PTPRA: variants seen among roughly 807,000 people sequenced by gnomAD.
PTPRA encodes receptor-type tyrosine-protein phosphatase alpha.
A neutral mutation model predicts 104.8 loss-of-function variants in PTPRA; 25 were observed. The ratio of observed to expected loss-of-function variants is 0.24; its 90% CI spans 0.17 to 0.33. The LOEUF (loss-of-function observed/expected upper bound fraction) is 0.33. PTPRA is among the 10% of genes least tolerant of loss of function. The probability of loss-of-function intolerance (pLI) is 1.00; values close to 1 mark genes in which losing one functional copy is unlikely to be tolerated. For synonymous variants in PTPRA, 323 were observed against 368.9 expected (o/e 0.88, Z 1.43); for missense variants, 765 against 1,015.3 (o/e 0.75, Z 3.35).
intron 1 of PTPRA, among the ~76,000 whole-genome samples, chr20:2,886,101 A>AT (rs1221161769): frequency 6.6e-6 from 1 of 152,196 alleles, no homozygotes; most frequent in East Asian, 1.9e-4. Context: ...TTAATTGAAC[A>AT]TAAGTATAGA....
intron 9 of PTPRA, among the ~76,000 whole-genome samples, chr20:2,993,430 TAA>T (rs2063271634): frequency 6.6e-6 from 1 of 152,204 alleles, no homozygotes; most frequent in African/African-American, 2.4e-5. Flanking sequence ...GTTGTCAAGG[TAA>T]TGTCCTGTGA....
intron 6 of PTPRA, among the ~76,000 whole-genome samples, chr20:2,982,711 T>G (rs2062736252): frequency 6.6e-6 from 1 of 152,106 alleles, no homozygotes; most frequent in Non-Finnish European, 1.5e-5. Flanking sequence ...TTTTTTTTTT[T>G]TTTGAGACAG....
intron 2 of PTPRA, among the ~76,000 whole-genome samples, chr20:2,946,357 T>A (rs73086646): frequency 0.13 from 19,613 of 152,032 alleles, 1,588 homozygotes; most frequent in East Asian, 0.29. Context: ...CAGGTGTAGC[T>A]CTGTAGTTTT....
At chr20:2,985,884 C>CT (rs1282802077) in intron 6 of PTPRA, among the ~76,000 whole-genome samples, 42 of 148,758 alleles carry the variant, frequency 2.8e-4, no homozygotes, top group African/African-American at 9.7e-4. Context: ...CAGCTGTCTC[C>CT]TTGTTTGTTT....
At chr20:2,967,596 A>C (rs2061992397) in intron 5 of PTPRA, among the ~76,000 whole-genome samples, 1 of 152,150 alleles carries the variant, frequency 6.6e-6, no homozygotes, top group Admixed American at 6.5e-5. Flanking sequence ...CACACTGGCT[A>C]ACACCTGTAA....
chr20:2,916,109 G>C (rs569430250), intron 1 of PTPRA, among the ~76,000 whole-genome samples: 1 of 152,064 alleles, frequency 6.6e-6, no homozygotes, highest in Non-Finnish European at 1.5e-5. Context: ...GAGCAGTCTT[G>C]GCTCACTGCA....
intron 2 of PTPRA, among the ~76,000 whole-genome samples, chr20:2,933,998 A>T (rs1359658738): frequency 6.6e-6 from 1 of 152,118 alleles, no homozygotes; most frequent in Non-Finnish European, 1.5e-5. Flanking sequence ...CCATTGTATT[A>T]TTGTTATTTA....
chr20:2,951,074 G>GTGTT (rs371625670), intron 3 of PTPRA, among the ~76,000 whole-genome samples: 24 of 152,040 alleles, frequency 1.6e-4, no homozygotes, highest in Non-Finnish European at 2.5e-4. Context: ...TATTAACCAT[G>GTGTT]TGTTTGTTTG....
In PTPRA at chr20:2,923,243, A is replaced by G. The variant is rs113502781; in HGVS notation, c.-92A>G. 1,727 of 1,276,436 alleles carry G rather than the reference A, an allele frequency of 1.4e-3. 23 individuals are homozygous for G. The African/African-American group carries it at 0.024, about 18-fold the overall frequency. 79.1% of individuals were successfully genotyped at this position (1,276,436 alleles called of 1,614,324 possible). On this transcript the variant is annotated 5_prime_UTR_variant, in exon 2 of 24. Coordinates refer to ENST00000399903, the MANE Select transcript of PTPRA (RefSeq NM_001385305.1). ...AAAAAAAAACAAAGGTATTTATGGA[A>G]TTCCACTGAGTGGTAATGGATGATG... is the stretch of plus-strand genomic sequence containing the variant.
chr20:2,959,942 C>G (rs2061686995), intron 3 of PTPRA, among the ~76,000 whole-genome samples: 1 of 152,120 alleles, frequency 6.6e-6, no homozygotes, highest in South Asian at 2.1e-4. Flanking sequence ...CAGAGTGAGA[C>G]TCCGTCCTAA....
chr20:2,864,692 T>C, the PTPRA span: 252 of 1,600,526 alleles, frequency 1.6e-4, no homozygotes, highest in African/African-American at 2.7e-3. The surrounding 1 kb of genome is among the most constrained non-coding windows in gnomAD (Gnocchi z 5.2). Flanking sequence ...GTGTGGGGCA[T>C]GTGGGCTGGG....
chr20:2,984,819 C>G (rs899187448), intron 6 of PTPRA, among the ~76,000 whole-genome samples: 4 of 152,142 alleles, frequency 2.6e-5, no homozygotes, highest in South Asian at 2.1e-4. Flanking sequence ...CTAGAAAGCT[C>G]TTCACCCAGA....
chr20:2,958,081 C>CA (rs2061602758), intron 3 of PTPRA, among the ~76,000 whole-genome samples: 1 of 151,824 alleles, frequency 6.6e-6, no homozygotes, highest in East Asian at 1.9e-4. Context: ...ATTGAACTGA[C>CA]ACCAAGTTTT....
chr20:3,031,801 C>T (rs1054710134), intron 20 of PTPRA, among the ~76,000 whole-genome samples: 5 of 152,056 alleles, frequency 3.3e-5, no homozygotes, highest in Non-Finnish European at 7.3e-5. Flanking sequence ...TGTTTTTGAG[C>T]GTTTGAGTTT....
At chr20:2,955,902 A>G (rs1435122588) in intron 3 of PTPRA, among the ~76,000 whole-genome samples, 1 of 151,060 alleles carries the variant, frequency 6.6e-6, no homozygotes, top group Non-Finnish European at 1.5e-5. Flanking sequence ...CCTACCCCCC[A>G]CAGATACAAC....
At chr20:2,941,678 A>T (rs2060926001) in intron 2 of PTPRA, among the ~76,000 whole-genome samples, 1 of 152,148 alleles carries the variant, frequency 6.6e-6, no homozygotes, top group South Asian at 2.1e-4. Context: ...CCCTGTATAC[A>T]TCTCCAGCTT....
chr20:2,909,580 CA>C (rs2059548982), intron 1 of PTPRA, among the ~76,000 whole-genome samples: 1 of 149,896 alleles, frequency 6.7e-6, no homozygotes, highest in Admixed American at 6.7e-5. Flanking sequence ...ACTCCATCTC[CA>C]AAAAAAACCA....
chr20:2,886,545 TTAGAAA>T (rs2090395113), intron 1 of PTPRA, among the ~76,000 whole-genome samples: 1 of 152,008 alleles, frequency 6.6e-6, no homozygotes, highest in Admixed American at 6.5e-5. Context: ...TGTCCATTTG[TTAGAAA>T]TAGAAAAATG....
intron 9 of PTPRA, among the ~76,000 whole-genome samples, chr20:2,997,372 G>C (rs1034771267): frequency 6.6e-5 from 10 of 152,000 alleles, no homozygotes; most frequent in African/African-American, 2.4e-4. Context: ...TTTGAATATG[G>C]GAAATAAATC....
Sources: gnomAD v4.1 joint callset for allele counts (sites outside exome capture counted in the v4.1 genomes callset) on GRCh38, gnomAD v4.1.1 for gene constraint, Gnocchi (gnomAD v3.1) non-coding constraint, MANE v1.5 for transcripts, NCBI Gene and HGNC (gene_info 2026-07-23, HGNC 2026-07-21) for gene names.